Variants in NLGN1 observed in about 807,000 individuals in gnomAD.
NLGN1 encodes neuroligin-1.
NLGN1 carries 12 observed loss-of-function variants against 65.5 expected under a neutral mutation model. The observed-to-expected ratio is 0.18, with a 90% CI of 0.12 to 0.30. The LOEUF is 0.30. Among genes scored for constraint, NLGN1 ranks in the 10% least tolerant of loss-of-function variants. The probability of loss-of-function intolerance (pLI) is 1.00; values close to 1 mark genes in which losing one functional copy is unlikely to be tolerated. For synonymous variants in NLGN1, 350 were observed against 359.5 expected (o/e 0.97, Z 0.30); for missense variants, 750 against 1,007.1 (o/e 0.74, Z 3.46).
chr3:174,203,839 C>T (rs1396210071), intron 4 of NLGN1, among the ~76,000 whole-genome samples: 2 of 152,124 alleles, frequency 1.3e-5, no homozygotes, highest in Non-Finnish European at 2.9e-5. Flanking sequence ...TTAATCCAAT[C>T]ATTCCTTATT....
At chr3:174,063,680 G>C (rs1057475415) in intron 4 of NLGN1, among the ~76,000 whole-genome samples, 8 of 152,018 alleles carry the variant, frequency 5.3e-5, no homozygotes, top group African/African-American at 1.9e-4. Flanking sequence ...ATTTATGTGT[G>C]AGAGAGAGGG....
At chr3:174,216,404 T>C (rs1248499454) in intron 4 of NLGN1, among the ~76,000 whole-genome samples, 3 of 152,160 alleles carry the variant, frequency 2.0e-5, no homozygotes, top group Non-Finnish European at 4.4e-5. Flanking sequence ...GATCAATTAT[T>C]ATTTCATTCT....
intron 4 of NLGN1, among the ~76,000 whole-genome samples, chr3:173,873,902 A>C (rs1401634485): frequency 6.6e-6 from 1 of 152,140 alleles, no homozygotes; most frequent in Non-Finnish European, 1.5e-5. Context: ...ATTAAGGTAA[A>C]ATGAGGTCAT....
intron 4 of NLGN1, among the ~76,000 whole-genome samples, chr3:174,264,951 G>A (rs970685836): frequency 9.5e-4 from 145 of 152,262 alleles, no homozygotes; most frequent in African/African-American, 3.3e-3. Flanking sequence ...TGTGTGAGGT[G>A]TCAGTGTGCC....
chr3:174,278,181 G>GT (rs1188355753), intron 5 of NLGN1, among the ~76,000 whole-genome samples: 5 of 151,880 alleles, frequency 3.3e-5, no homozygotes, highest in Non-Finnish European at 5.9e-5. Flanking sequence ...TCTGCTGATG[G>GT]TTTTTTCTTT....
At chr3:173,651,231 T>C (rs1053141063) in intron 3 of NLGN1, among the ~76,000 whole-genome samples, 4 of 151,780 alleles carry the variant, frequency 2.6e-5, no homozygotes, top group Admixed American at 2.0e-4. Flanking sequence ...TAATGACCTC[T>C]AGTTCTATCC....
chr3:173,632,142 T>C (rs1755787734), intron 3 of NLGN1, among the ~76,000 whole-genome samples: 3 of 152,148 alleles, frequency 2.0e-5, no homozygotes, highest in African/African-American at 7.2e-5. Flanking sequence ...CATTCCAGAT[T>C]GTAGGGAATG....
At chr3:174,051,018 T>A (rs1330281711) in intron 4 of NLGN1, among the ~76,000 whole-genome samples, 1 of 152,062 alleles carries the variant, frequency 6.6e-6, no homozygotes, top group Non-Finnish European at 1.5e-5. Flanking sequence ...TCACCAGTAC[T>A]TCTAAGAGAT....
chr3:174,017,315 T>C (rs16832668), intron 4 of NLGN1, among the ~76,000 whole-genome samples: 41,553 of 152,076 alleles, frequency 0.27, 6,878 homozygotes, highest in African/African-American at 0.46. Flanking sequence ...GGTTGCTTTT[T>C]GAACATTTTA....
rs188532001 is a variant in NLGN1 at position 173,882,405 on chromosome 3, G to A, written c.646+74573G>A. ...CTATTTAGATATGAAATCCTAGATG[G>A]CATCTTCTTCTAATATAGGACTCTT... On this transcript the variant is annotated intron_variant, in intron 4 of 6. Coordinates refer to ENST00000457714, the Ensembl canonical transcript of NLGN1. Among the ~76,000 whole-genome samples, 47 of 152,262 alleles carry A rather than the reference G, an allele frequency of 3.1e-4. 1 individual carries two copies. Among genetic ancestry groups the A allele is most frequent in the Admixed American group, 1.8e-3 (27 of 15,284 alleles).
chr3:173,479,796 A>G (rs1400171684), intron 2 of NLGN1, among the ~76,000 whole-genome samples: 1 of 152,210 alleles, frequency 6.6e-6, no homozygotes, highest in African/African-American at 2.4e-5. Context: ...AATATGAACA[A>G]TAAAGAAAAA....
intron 3 of NLGN1, among the ~76,000 whole-genome samples, chr3:173,617,331 G>A (rs542174062): frequency 1.8e-4 from 28 of 152,206 alleles, no homozygotes; most frequent in South Asian, 6.2e-4. Context: ...CCAGAAGAAC[G>A]TTTCTCTTGC....
chr3:173,889,932 G>C (rs1298962175), intron 4 of NLGN1, among the ~76,000 whole-genome samples: 1 of 151,976 alleles, frequency 6.6e-6, no homozygotes, highest in Non-Finnish European at 1.5e-5. Context: ...TAAATTGTGG[G>C]AACTGGTAGA....
intron 3 of NLGN1, among the ~76,000 whole-genome samples, chr3:173,662,570 T>C (rs1218281004): frequency 2.6e-5 from 4 of 152,068 alleles, no homozygotes; most frequent in African/African-American, 9.7e-5. Flanking sequence ...TTTTCTATTC[T>C]TACTCCTTTT....
rs118138186 is a variant in NLGN1, at chr3:174,173,652, A to T, written c.647-101663A>T. Among the ~76,000 whole-genome samples the T allele has an allele frequency of 5.9e-3, 894 of 151,934 alleles. 25 individuals carry two copies. The highest frequency in any genetic ancestry group is 0.031 in the East Asian group (160 of 5,168). ...TTTACATATGTTGAACCATCCTTGC[A>T]TCACTGGCATAAATTCCACTTGGTC... On this transcript the variant is annotated intron_variant, in intron 4 of 6. Coordinates refer to ENST00000457714, the Ensembl canonical transcript of NLGN1.
At chr3:174,086,256 T>TAA (rs199936636) in intron 4 of NLGN1, among the ~76,000 whole-genome samples, 7 of 2,590 alleles carry the variant, frequency 2.7e-3, no homozygotes, top group Non-Finnish European at 7.5e-3. Flanking sequence ...TGTATGTGCA[T>TAA]ACATATATAT....
Position 173,753,159 on chromosome 3 carries a change from C to CT in NLGN1, c.494-54519dup, listed in dbSNP as rs1424062506. 1.1e-4 allele frequency among the ~76,000 whole-genome samples: 17 copies of CT among 152,068 alleles called. 1 individual carries two copies. Among genetic ancestry groups the CT allele is most frequent in the Non-Finnish European group, 2.2e-4 (15 of 67,998 alleles). On this transcript the variant is annotated intron_variant, in intron 3 of 6. Coordinates refer to ENST00000457714, the Ensembl canonical transcript of NLGN1. ...TTGTCTTTAAAACTACACTCATTGC[C>CT]TTATTCATTTCATCCAGACTCCTGG...
At chr3:173,625,072 A>G (rs1754615667) in intron 3 of NLGN1, among the ~76,000 whole-genome samples, 1 of 152,088 alleles carries the variant, frequency 6.6e-6, no homozygotes, top group Non-Finnish European at 1.5e-5. Context: ...GAGAGTCCTC[A>G]ATTGTTTCTG....
chr3:174,023,496 G>A (rs534936146), intron 4 of NLGN1, among the ~76,000 whole-genome samples: 1 of 152,230 alleles, frequency 6.6e-6, no homozygotes, highest in South Asian at 2.1e-4. Flanking sequence ...CATAGAAAGC[G>A]TATTGGAAAA....
Sources: allele counts gnomAD v4.1 joint callset (sites outside exome capture counted in the v4.1 genomes callset), GRCh38; gene constraint gnomAD v4.1.1; transcripts MANE v1.5; gene names NCBI Gene and HGNC (gene_info 2026-07-23, HGNC 2026-07-21).